Variants in XDH observed in about 807,000 individuals in gnomAD.
The protein encoded by XDH is xanthine dehydrogenase, also known as xanthine dehydrogenase/oxidase.
Under a neutral mutation model 156.1 loss-of-function variants are expected in XDH, and 138 were observed. The ratio of observed to expected loss-of-function variants is 0.88; its 90% CI spans 0.77 to 1.02. XDH has a LOEUF of 1.02. XDH is among the 50% of genes least tolerant of loss of function. XDH has a pLI of 0.00. For missense variants in XDH, 1,849 were observed against 1,684.9 expected, an observed-to-expected ratio of 1.10 and a Z score of -1.71; for synonymous variants, 669 against 625.7, an observed-to-expected ratio of 1.07 and a Z score of -1.03.
intron 24 of XDH, among the ~76,000 whole-genome samples, chr2:31,360,631 C>T (rs1685751358): frequency 6.6e-6 from 1 of 152,226 alleles, no homozygotes; most frequent in Non-Finnish European, 1.5e-5. Flanking sequence ...CTACCTGCCC[C>T]TTAGCCGCTT....
intron 6 of XDH, among the ~76,000 whole-genome samples, chr2:31,393,510 T>C (rs1252335711): frequency 6.6e-6 from 1 of 152,224 alleles, no homozygotes; most frequent in Non-Finnish European, 1.5e-5. Context: ...TGTCTTTTCA[T>C]TTAAAGTAGG....
In XDH at chr2:31,372,348, G is replaced by A. The variant is rs1344796559; in HGVS notation, c.1736C>T (p.Pro579Leu). Reference protein sequence around the residue: ...SEEDMVGRPLPHLAADMQASG... With the variant: ...SEEDMVGRPLLHLAADMQASG... ...GGCCTGCATGTCCGCTGCCAGGTGG[G>A]GCAGGGGCCGGCCCACCATGTCCTC... The change falls in exon 17 of 36, where the codon CCC becomes CTC. Residue 579 changes from proline to leucine, a missense_variant. By Grantham distance (98) the Pro-to-Leu change is moderately conservative. Coordinates refer to ENST00000379416, the MANE Select transcript of XDH (RefSeq NM_000379.4). 2 of 1,614,156 alleles carry A rather than the reference G, an allele frequency of 1.2e-6. No individual in the cohort carries two copies. The highest frequency in any genetic ancestry group is 1.3e-5 in the African/African-American group (1 of 75,070).
chr2:31,342,729 C>G (rs1685160989), intron 31 of XDH, among the ~76,000 whole-genome samples: 1 of 10,150 alleles, frequency 9.9e-5, no homozygotes, highest in African/African-American at 1.4e-3. Flanking sequence ...TGCTTACCTT[C>G]TCAAGGTGAG....
intron 33 of XDH, among the ~76,000 whole-genome samples, 168 bp from the exon 34 acceptor site, chr2:31,339,845 C>T (rs761798192): frequency 1.5e-4 from 23 of 152,214 alleles, no homozygotes; most frequent in Non-Finnish European, 2.8e-4. Flanking sequence ...ATAACCCATC[C>T]GGACTTCTGC....
At chr2:31,383,269 C>T in intron 10 of XDH, 117 bp from the exon 11 acceptor site, 2 of 1,506,370 alleles carry the variant, frequency 1.3e-6, no homozygotes, top group East Asian at 4.7e-5. Flanking sequence ...GGACTCACAG[C>T]TTTCCATGGA....
At chr2:31,347,163 T>G (rs746257398) in intron 29 of XDH, among the ~76,000 whole-genome samples, 1 of 152,208 alleles carries the variant, frequency 6.6e-6, no homozygotes, top group African/African-American at 2.4e-5. Flanking sequence ...ATCCCCCATA[T>G]GGCAGAGGAG....
chr2:31,410,327 T>C (rs912450915), intron 1 of XDH, among the ~76,000 whole-genome samples: 6 of 152,196 alleles, frequency 3.9e-5, no homozygotes, highest in Non-Finnish European at 4.4e-5. Flanking sequence ...ATTATGAATG[T>C]ATGTAATACC....
chr2:31,382,853 C>T (rs1379478078), intron 11 of XDH, 148 bp downstream of exon 11: 1 of 1,182,604 alleles, frequency 8.5e-7, no homozygotes, highest in Non-Finnish European at 1.2e-6. Context: ...GCCCAGGAAT[C>T]TGCACTTTAA....
intron 13 of XDH, among the ~76,000 whole-genome samples, chr2:31,378,055 GAAGAAAGAAAGAAAGAAAGAAAGAAAGA>G (rs149074112): frequency 0.03 from 1,953 of 65,468 alleles, 92 homozygotes; most frequent in African/African-American, 0.096. Context: ...AGAAAGAAAG[GAAGAAAGAAAGAAAGAAAGAAAGAAAGA>G]AAGAAAGAAA....
intron 2 of XDH, 77 bp from the exon 3 acceptor site, chr2:31,403,221 C>A: frequency 6.6e-7 from 1 of 1,513,736 alleles, no homozygotes; most frequent in Non-Finnish European, 9.1e-7. Context: ...CTGGGCAGAG[C>A]TGTGGGCAGA....
Position 31,405,397 on chromosome 2 carries a change from G to A in XDH, c.100+510C>T, listed in dbSNP as rs376403974. Reference sequence around the variant, plus strand: ...AGCAGCACCCCAGTCTTTCTAAGGAGTCCCCCCACCCTCCAGGGCTCCCTG... The same window carrying A: ...AGCAGCACCCCAGTCTTTCTAAGGAATCCCCCCACCCTCCAGGGCTCCCTG... On this transcript the variant is annotated intron_variant, in intron 2 of 35. Transcript: ENST00000379416. 3.7e-4 allele frequency among the ~76,000 whole-genome samples: 57 copies of A among 152,200 alleles called. No individual in the cohort carries two copies. The South Asian group carries it at 8.5e-3, about 23-fold the overall frequency.
At chr2:31,348,433 G>T in intron 27 of XDH, 70 bp from the exon 28 acceptor site, 1 of 1,447,920 alleles carries the variant, frequency 6.9e-7, no homozygotes, top group East Asian at 2.3e-5. Context: ...GGGACCAAAG[G>T]TATGGAGCCC....
At chr2:31,374,520 T>C (rs1328055142) in intron 15 of XDH, among the ~76,000 whole-genome samples, 2 of 152,126 alleles carry the variant, frequency 1.3e-5, no homozygotes, top group Admixed American at 6.5e-5. Context: ...GACAGATAGA[T>C]GGACAGATAA....
chr2:31,386,441 T>G lies in XDH; in HGVS notation c.766A>C (p.Lys256Gln). 1 of 1,613,838 alleles carries G rather than the reference T, an allele frequency of 6.2e-7. No individual in the cohort carries two copies. Among genetic ancestry groups the G allele is most frequent in the Non-Finnish European group, 8.5e-7 (1 of 1,180,026 alleles). The part of the protein sequence containing the change: ...LDLKAQHPDA[K>Q]LVVGNTEIGI... ...ATCTCCGTGTTCCCCACGACCAGCT[T>G]GGCGTCAGGGTGCTGAGCCTTGAGG... Residue 256 changes from lysine (K) to glutamine (Q), a missense_variant, in exon 9 of 36, where the codon AAG becomes CAG. Physicochemically the swap from Lys to Gln is moderately conservative, Grantham distance 53. Transcript: ENST00000379416.
chr2:31,412,523 C>T (rs980469663), intron 1 of XDH, among the ~76,000 whole-genome samples: 2 of 152,026 alleles, frequency 1.3e-5, no homozygotes, highest in Non-Finnish European at 2.9e-5. Flanking sequence ...AGGAGATATA[C>T]CTAATGTAAA....
intron 1 of XDH, among the ~76,000 whole-genome samples, chr2:31,409,296 G>C (rs1687279692): frequency 6.6e-6 from 1 of 152,138 alleles, no homozygotes; most frequent in South Asian, 2.1e-4. Context: ...AGTATAATTA[G>C]ATCATTTGTA....
At chr2:31,348,413 A>C (rs1358135047) in intron 27 of XDH, 50 bp from the exon 28 acceptor site, 258 of 1,573,590 alleles carry the variant, frequency 1.6e-4, no homozygotes, top group Non-Finnish European at 2.0e-4. Context: ...AATCCAACTC[A>C]TTAAGGTTTG....
chr2:31,344,698 G>A lies in XDH; in HGVS notation c.3390C>T (p.Ala1130=). The change falls in exon 31 of 36, where the codon GCC becomes GCT. Residue 1130 remains alanine, a synonymous_variant. Transcript: ENST00000379416. ...ACCATACTTACCTATAAAACCCAGT[G>A]GCAGACAAGCTCACTGTGTCCATGT... The part of the protein sequence containing the change: ...AAYMDTVSLS[A]TGFYRTPNLG... 1.2e-6 allele frequency: 2 copies of A among 1,614,140 alleles called. No individual in the cohort carries two copies. Among genetic ancestry groups the A allele is most frequent in the Middle Eastern group, 1.7e-4 (1 of 6,050 alleles).
At chr2:31,359,588 C>T (rs560016474) in intron 24 of XDH, among the ~76,000 whole-genome samples, 1 of 152,104 alleles carries the variant, frequency 6.6e-6, no homozygotes, top group Non-Finnish European at 1.5e-5. Flanking sequence ...AGAGGCCTAC[C>T]TACTTAGAAG....
Sources: allele counts gnomAD v4.1 joint callset (sites outside exome capture counted in the v4.1 genomes callset), GRCh38; gene constraint gnomAD v4.1.1; transcripts MANE v1.5; gene names NCBI Gene and HGNC (gene_info 2026-07-23, HGNC 2026-07-21).